MAML3: variants seen among roughly 807,000 people sequenced by gnomAD.
MAML3 encodes mastermind like transcriptional coactivator 3.
A neutral mutation model predicts 101.9 loss-of-function variants in MAML3; 27 were observed. The observed-to-expected ratio is 0.27, with a 90% CI of 0.20 to 0.37. The LOEUF is 0.37. Among genes scored for constraint, MAML3 ranks in the 10% least tolerant of loss-of-function variants. The pLI is 1.00. For synonymous variants in MAML3, 501 were observed against 555.9 expected (o/e 0.90, Z 1.39); for missense variants, 1,316 against 1,444.9 (o/e 0.91, Z 1.45).
intron 1 of MAML3, among the ~76,000 whole-genome samples, chr4:140,083,770 G>C (rs1029846768): frequency 6.6e-5 from 10 of 151,912 alleles, no homozygotes; most frequent in Admixed American, 6.6e-4. Flanking sequence ...TTTTGTTTTA[G>C]ATCCACTTGC....
At chr4:139,847,744 T>A (rs957544544) in intron 2 of MAML3, among the ~76,000 whole-genome samples, 7 of 152,242 alleles carry the variant, frequency 4.6e-5, no homozygotes, top group African/African-American at 1.7e-4. Context: ...GACAACTGAA[T>A]ACACTGCTGC....
intron 1 of MAML3, among the ~76,000 whole-genome samples, chr4:139,907,683 A>G (rs1278388222): frequency 1.3e-5 from 2 of 152,176 alleles, no homozygotes; most frequent in African/African-American, 2.4e-5. Context: ...CCTGATTTCA[A>G]AGGAATTTGT....
chr4:139,719,637 G>A lies in MAML3; in HGVS notation c.3103C>T (p.Pro1035Ser), dbSNP rs1458951675. ...GCCTGGCTGGTGCCTTGCTGCCCCG[G>A]GAGCGATGGCATCATCTGCCGACCC... ...AMGRQMMPSL[P>S]GQQGTSQARP... The change falls in exon 5 of 5, where the codon CCG becomes TCG. Residue 1035 changes from proline to serine, a missense_variant. Coordinates refer to ENST00000509479, the MANE Select transcript of MAML3 (RefSeq NM_018717.5). 8 of 1,612,312 alleles carry A rather than the reference G, an allele frequency of 5.0e-6. No individual in the cohort carries two copies. In the Admixed American group the frequency reaches 6.7e-5, roughly 13 times the overall value.
Position 140,065,505 on chromosome 4 carries a change from C to T in MAML3, c.468+87355G>A, listed in dbSNP as rs555712125. Among the ~76,000 whole-genome samples the T allele has an allele frequency of 7.2e-5, 11 of 152,292 alleles. No individual in the cohort carries two copies. In the East Asian group the frequency reaches 2.1e-3, roughly 29 times the overall value. ...CTGTAACTTTTCAAAATCAACACTT[C>T]GTGGCTTTCCCATCTTCAAGACCTT... On this transcript the variant is annotated intron_variant, in intron 1 of 4. Coordinates refer to ENST00000509479, the MANE Select transcript of MAML3 (RefSeq NM_018717.5).
intron 1 of MAML3, among the ~76,000 whole-genome samples, chr4:139,960,040 C>A (rs1390972926): frequency 6.6e-6 from 1 of 152,146 alleles, no homozygotes; most frequent in Non-Finnish European, 1.5e-5. Context: ...GATCCAAGTA[C>A]ATGCTTGTCC....
intron 1 of MAML3, among the ~76,000 whole-genome samples, chr4:139,891,901 C>A (rs575120666): frequency 6.6e-6 from 1 of 152,348 alleles, no homozygotes; most frequent in African/African-American, 2.4e-5. Context: ...TTCCTCCTTT[C>A]TCCCTTTACC....
intron 2 of MAML3, among the ~76,000 whole-genome samples, chr4:139,736,090 T>C (rs1249271546): frequency 6.6e-6 from 1 of 152,116 alleles, no homozygotes; most frequent in East Asian, 1.9e-4. Flanking sequence ...CCAGAAAACC[T>C]GTGCTTTTCA....
chr4:139,776,278 G>A (rs552505920), intron 2 of MAML3, among the ~76,000 whole-genome samples: 7 of 152,216 alleles, frequency 4.6e-5, no homozygotes, highest in South Asian at 2.1e-4. Context: ...AGGAAGAGCC[G>A]TAACATGCTG....
chr4:140,035,970 A>G (rs1011266018), intron 1 of MAML3, among the ~76,000 whole-genome samples: 6 of 152,250 alleles, frequency 3.9e-5, no homozygotes, highest in African/African-American at 1.4e-4. Context: ...AGCATAGTTG[A>G]GAATGAATTG....
chr4:140,101,598 G>C (rs957439650), intron 1 of MAML3, among the ~76,000 whole-genome samples: 5 of 152,090 alleles, frequency 3.3e-5, no homozygotes, highest in African/African-American at 9.7e-5. Flanking sequence ...CACATCTCTT[G>C]TGTATATGAG....
chr4:139,858,270 T>C (rs1731704217), intron 2 of MAML3, among the ~76,000 whole-genome samples: 1 of 152,228 alleles, frequency 6.6e-6, no homozygotes, highest in Non-Finnish European at 1.5e-5. Context: ...ATTTGATAGA[T>C]TTTGAAACTG....
At chr4:139,952,555 G>A (rs182119574) in intron 1 of MAML3, among the ~76,000 whole-genome samples, 176 of 151,654 alleles carry the variant, frequency 1.2e-3, no homozygotes, top group African/African-American at 4.3e-3. Flanking sequence ...ATCCACTGCA[G>A]TTAAAAAAAA....
intron 3 of MAML3, among the ~76,000 whole-genome samples, chr4:139,727,839 C>T (rs1376095098): frequency 6.6e-6 from 1 of 152,148 alleles, no homozygotes; most frequent in African/African-American, 2.4e-5. Context: ...AATCTGTTTC[C>T]AAAATCCAAA....
chr4:139,777,774 C>T (rs1052270542), intron 2 of MAML3, among the ~76,000 whole-genome samples: 1 of 152,236 alleles, frequency 6.6e-6, no homozygotes, highest in South Asian at 2.1e-4. Context: ...GCTTAAAACT[C>T]GCACTTTTGA....
chr4:140,140,264 T>C (rs529553838), intron 1 of MAML3, among the ~76,000 whole-genome samples: 19 of 152,032 alleles, frequency 1.2e-4, no homozygotes, highest in Admixed American at 9.8e-4. Context: ...GCAGAGGTTG[T>C]AGTGAGCGAA....
In MAML3 at chr4:139,943,864, C is replaced by CTTTTTTTTTTTTTTT. The variant is rs10644498; in HGVS notation, c.469-52912_469-52898dup. ...GGTTGGGTTGTGGGCCTAAAGACAACTTTTTTTTTTTTTTTTTTTTTTTTG... is the reference window on the plus strand; with the variant it reads ...GGTTGGGTTGTGGGCCTAAAGACAACTTTTTTTTTTTTTTTTTTTTTTTTTTTTTTTTTTTTTTTG... On this transcript the variant is annotated intron_variant, in intron 1 of 4. Transcript: ENST00000509479. Among the ~76,000 whole-genome samples the CTTTTTTTTTTTTTTT allele has an allele frequency of 3.5e-4, 23 of 65,864 alleles. 1 individual carries two copies. The highest frequency in any genetic ancestry group is 7.0e-4 in the African/African-American group (12 of 17,084). 43.2% of individuals were successfully genotyped at this position (65,864 alleles called of 152,430 possible). A position where few individuals can be genotyped will look rare whatever the true frequency, so the allele number is the denominator to read the frequency against.
intron 2 of MAML3, among the ~76,000 whole-genome samples, chr4:139,813,519 C>T (rs1730839547): frequency 6.6e-6 from 1 of 152,202 alleles, no homozygotes; most frequent in African/African-American, 2.4e-5. Flanking sequence ...CAAAATTCCT[C>T]CTGAAAGTTA....
chr4:140,037,382 A>C (rs1727004376), intron 1 of MAML3, among the ~76,000 whole-genome samples: 1 of 152,366 alleles, frequency 6.6e-6, no homozygotes, highest in South Asian at 2.1e-4. Flanking sequence ...TTGCACTTTA[A>C]ATAGAGATTT....
chr4:139,921,402 G>A (rs1733128200), intron 1 of MAML3, among the ~76,000 whole-genome samples: 2 of 152,080 alleles, frequency 1.3e-5, no homozygotes, highest in South Asian at 4.2e-4. Context: ...GCTCCTGTGG[G>A]GTTTTCTCAC....
Sources: gnomAD v4.1 joint callset for allele counts (sites outside exome capture counted in the v4.1 genomes callset) on GRCh38, gnomAD v4.1.1 for gene constraint, MANE v1.5 for transcripts, NCBI Gene and HGNC (gene_info 2026-07-23, HGNC 2026-07-21) for gene names.